Variants in SLC8A1 observed in about 807,000 individuals in gnomAD.
SLC8A1 encodes solute carrier family 8 member A1.
In SLC8A1, 18 loss-of-function variants were observed where a neutral mutation model predicts 68.3. The observed-to-expected ratio is 0.26, with a 90% confidence interval of 0.18 to 0.39. The LOEUF is 0.39. Among genes scored for constraint, SLC8A1 ranks in the 10% least tolerant of loss-of-function variants. SLC8A1 has a pLI of 1.00. For synonymous variants in SLC8A1, 475 were observed against 415.5 expected (o/e 1.14, Z -1.74); for missense variants, 985 against 1,156.7 (o/e 0.85, Z 2.15).
intron 2 of SLC8A1, among the ~76,000 whole-genome samples, chr2:40,365,592 T>C (rs1363733390): frequency 6.6e-6 from 1 of 152,098 alleles, no homozygotes; most frequent in Non-Finnish European, 1.5e-5. Context: ...TTCAGAAATA[T>C]TGCTTCTTGT....
At chr2:40,326,303 C>G (rs900503366) in intron 2 of SLC8A1, among the ~76,000 whole-genome samples, 1 of 152,076 alleles carries the variant, frequency 6.6e-6, no homozygotes, top group African/African-American at 2.4e-5. Context: ...ACTTTTGGTA[C>G]AGTGCACTAT....
At chr2:40,245,157 C>T (rs2061694343) in intron 2 of SLC8A1, among the ~76,000 whole-genome samples, 2 of 127,716 alleles carry the variant, frequency 1.6e-5, no homozygotes, top group African/African-American at 3.2e-5. Context: ...AGGAATCATT[C>T]CCACTCCAGT....
At chr2:40,117,552 G>T (rs969896017) in intron 7 of SLC8A1, among the ~76,000 whole-genome samples, 34 of 148,460 alleles carry the variant, frequency 2.3e-4, no homozygotes, top group African/African-American at 8.2e-4. Context: ...GCAACAGAGT[G>T]AGACTCCATC....
At chr2:40,403,642 T>C (rs1576171398) in intron 2 of SLC8A1, among the ~76,000 whole-genome samples, 1 of 152,232 alleles carries the variant, frequency 6.6e-6, no homozygotes, top group African/African-American at 2.4e-5. Flanking sequence ...CTTGCAGTTA[T>C]AATTTCTTCC....
At chr2:40,345,230 T>C (rs1668873099) in intron 2 of SLC8A1, among the ~76,000 whole-genome samples, 1 of 152,082 alleles carries the variant, frequency 6.6e-6, no homozygotes, top group South Asian at 2.1e-4. Context: ...TAGCAAGAAA[T>C]TTCACTAGGG....
chr2:40,269,923 T>C (rs995969434), intron 2 of SLC8A1, among the ~76,000 whole-genome samples: 1 of 152,160 alleles, frequency 6.6e-6, no homozygotes, highest in African/African-American at 2.4e-5. Context: ...TTCAAGGGCA[T>C]ATGGCATGCA....
chr2:40,316,624 C>A (rs1575344914), intron 2 of SLC8A1, among the ~76,000 whole-genome samples: 1 of 151,924 alleles, frequency 6.6e-6, no homozygotes, highest in Non-Finnish European at 1.5e-5. Context: ...GGTCTACTGC[C>A]CTCCTGCAGA....
rs577412007 is a variant in SLC8A1 at position 40,191,270 on chromosome 2, C to T, written c.1809-13415G>A. On this transcript the variant is annotated intron_variant, in intron 2 of 7. Coordinates refer to ENST00000406785, the Ensembl canonical transcript of SLC8A1. ...GTACCCACTAACTGTGGACTCTCAC[C>T]GAACTTTTCACTATAGCACTTACTT... Among the ~76,000 whole-genome samples, 12 of 152,224 alleles carry T rather than the reference C, an allele frequency of 7.9e-5. No individual in the cohort carries two copies. In the East Asian group the frequency reaches 1.7e-3, roughly 22 times the overall value.
chr2:40,238,132 C>T (rs2060665191), intron 2 of SLC8A1, among the ~76,000 whole-genome samples: 1 of 151,964 alleles, frequency 6.6e-6, no homozygotes, highest in Non-Finnish European at 1.5e-5. Flanking sequence ...GTGGACTCCA[C>T]CCAGTTCGAG....
chr2:40,284,732 C>T (rs2068041317), intron 2 of SLC8A1, among the ~76,000 whole-genome samples: 1 of 151,412 alleles, frequency 6.6e-6, no homozygotes, highest in Non-Finnish European at 1.5e-5. Flanking sequence ...TAAGTGTAGT[C>T]TGCCACTCTA....
chr2:40,485,560 G>T (rs987400866), intron 1 of SLC8A1, among the ~76,000 whole-genome samples: 1 of 152,086 alleles, frequency 6.6e-6, no homozygotes, highest in East Asian at 1.9e-4. Context: ...CCTCACTCTG[G>T]TTATTTCCCT....
chr2:40,147,392 G>T (rs2042668545), intron 6 of SLC8A1, among the ~76,000 whole-genome samples: 1 of 152,122 alleles, frequency 6.6e-6, no homozygotes, highest in Non-Finnish European at 1.5e-5. Flanking sequence ...ACTAATTGTA[G>T]GACTGACAGA....
At chr2:40,427,437 C>A (rs963954024) in intron 2 of SLC8A1, among the ~76,000 whole-genome samples, 5 of 151,948 alleles carry the variant, frequency 3.3e-5, no homozygotes, top group African/African-American at 1.2e-4. Context: ...GTGCTTCAAC[C>A]AACATAATCA....
chr2:40,500,795 C>CTTTTTTGTTTT (rs1706010275), intron 1 of SLC8A1, among the ~76,000 whole-genome samples: 1 of 37,230 alleles, frequency 2.7e-5, no homozygotes, highest in Non-Finnish European at 5.0e-5. Context: ...TATCATCTGA[C>CTTTTTTGTTTT]TTTTTTTTTT....
At chr2:40,498,079 C>G (rs1442265262) in intron 1 of SLC8A1, among the ~76,000 whole-genome samples, 1 of 151,900 alleles carries the variant, frequency 6.6e-6, no homozygotes, top group Non-Finnish European at 1.5e-5. Context: ...GGGATCTAAG[C>G]TGATTTTCAG....
intron 2 of SLC8A1, among the ~76,000 whole-genome samples, chr2:40,318,333 A>C (rs902864509): frequency 6.6e-6 from 1 of 151,980 alleles, no homozygotes; most frequent in Non-Finnish European, 1.5e-5. Flanking sequence ...TAAAAACCTC[A>C]TTCCAGGATA....
chr2:40,339,197 C>T (rs1383535725), intron 2 of SLC8A1, among the ~76,000 whole-genome samples: 1 of 152,200 alleles, frequency 6.6e-6, no homozygotes, highest in African/African-American at 2.4e-5. Flanking sequence ...ATAGGTTATT[C>T]ATTCCTAAGA....
At chr2:40,275,589 T>G (rs927316215) in intron 2 of SLC8A1, among the ~76,000 whole-genome samples, 2 of 152,170 alleles carry the variant, frequency 1.3e-5, no homozygotes, top group Non-Finnish European at 2.9e-5. Flanking sequence ...ATGATGTTTT[T>G]TTCTTTACGT....
chr2:40,249,431 G>C (rs986113744), intron 2 of SLC8A1, among the ~76,000 whole-genome samples: 4 of 152,156 alleles, frequency 2.6e-5, no homozygotes, highest in Non-Finnish European at 5.9e-5. Flanking sequence ...TTTAGTCTCT[G>C]TACTTTCATT....
Sources: allele counts gnomAD v4.1 joint callset (sites outside exome capture counted in the v4.1 genomes callset), GRCh38; gene constraint gnomAD v4.1.1; transcripts MANE v1.5; gene names NCBI Gene and HGNC (gene_info 2026-07-23, HGNC 2026-07-21).